DYM: variants seen among roughly 807,000 people sequenced by gnomAD.
DYM encodes the protein dymeclin.
In DYM, 78 loss-of-function variants were observed where a neutral mutation model predicts 93.1. That is an observed-to-expected ratio of 0.84 (90% CI 0.70 to 1.01). DYM has a LOEUF of 1.01. Ranked by LOEUF, DYM falls within the 50% of genes least tolerant of loss-of-function variation. DYM has a pLI of 0.00. For synonymous variants in DYM, 321 were observed against 319.7 expected (o/e 1.00, Z -0.04); for missense variants, 789 against 845.0 (o/e 0.93, Z 0.82).
intron 17 of DYM, among the ~76,000 whole-genome samples, chr18:49,096,263 G>A (rs1055315969): frequency 5.3e-5 from 8 of 152,148 alleles, no homozygotes; most frequent in East Asian, 1.9e-4. Context: ...GCACAGTACC[G>A]TGTGAATCTC....
At chr18:49,100,748 A>G (rs2080050165) in intron 16 of DYM, among the ~76,000 whole-genome samples, 1 of 152,200 alleles carries the variant, frequency 6.6e-6, no homozygotes, top group South Asian at 2.1e-4. Context: ...TCTCATGACA[A>G]TCCCATGAGG....
chr18:49,098,109 C>T (rs1051297265), intron 16 of DYM, among the ~76,000 whole-genome samples: 1 of 152,138 alleles, frequency 6.6e-6, no homozygotes, highest in Admixed American at 6.5e-5. Context: ...TCTGGAAATA[C>T]ACGGTCCCTA....
intron 14 of DYM, among the ~76,000 whole-genome samples, chr18:49,168,604 T>C (rs1325692879): frequency 6.6e-6 from 1 of 152,162 alleles, no homozygotes; most frequent in Non-Finnish European, 1.5e-5. Context: ...TCAAAAGCCC[T>C]GGACTTTTAT....
intron 17 of DYM, among the ~76,000 whole-genome samples, chr18:49,083,412 A>G (rs1248148414): frequency 6.6e-6 from 1 of 152,080 alleles, no homozygotes; most frequent in African/African-American, 2.4e-5. Context: ...GTTTGCTAAT[A>G]TTTTGTAAAG....
chr18:49,447,726 C>T (rs75718008), intron 1 of DYM, among the ~76,000 whole-genome samples: 13,900 of 152,230 alleles, frequency 0.091, 859 homozygotes, highest in East Asian at 0.31. Context: ...ATCTCCTCCT[C>T]TCCTGTTCGC....
intron 5 of DYM, among the ~76,000 whole-genome samples, chr18:49,374,522 G>A (rs578061930): frequency 1.3e-5 from 2 of 152,356 alleles, no homozygotes; most frequent in South Asian, 4.1e-4. Context: ...CAAATGTGGA[G>A]TCAAAGGGAC....
intron 13 of DYM, among the ~76,000 whole-genome samples, chr18:49,225,654 T>C (rs896595184): frequency 1.2e-4 from 19 of 152,136 alleles, no homozygotes; most frequent in African/African-American, 4.1e-4. Context: ...CCTACATCTG[T>C]AGTAAAATAC....
At chr18:49,136,968 C>T (rs541013012) in intron 15 of DYM, among the ~76,000 whole-genome samples, 3 of 152,228 alleles carry the variant, frequency 2.0e-5, no homozygotes, top group South Asian at 4.2e-4. Context: ...AACAAGAAAA[C>T]ATTGAGTACT....
chr18:49,240,677 C>T (rs1433106901), intron 13 of DYM, among the ~76,000 whole-genome samples: 1 of 152,128 alleles, frequency 6.6e-6, no homozygotes, highest in Admixed American at 6.5e-5. Context: ...TGGCAGTTTC[C>T]TCTCTGCCAA....
chr18:49,216,326 C>T (rs1429788504), intron 13 of DYM, among the ~76,000 whole-genome samples: 1 of 152,206 alleles, frequency 6.6e-6, no homozygotes, highest in Admixed American at 6.5e-5. Context: ...GGGGGCAAGG[C>T]ACAGACAAAC....
intron 11 of DYM, among the ~76,000 whole-genome samples, chr18:49,270,775 T>C (rs2094676817): frequency 6.6e-6 from 1 of 152,182 alleles, no homozygotes; most frequent in South Asian, 2.1e-4. Context: ...GTTGAAATTA[T>C]GGTCATACTA....
intron 16 of DYM, among the ~76,000 whole-genome samples, chr18:49,103,810 T>C (rs549665742): frequency 2.2e-4 from 33 of 152,204 alleles, no homozygotes; most frequent in Non-Finnish European, 4.1e-4. Context: ...TTTTGGTTAC[T>C]GTAGCCTTGT....
At chr18:49,379,034 T>C (rs945509543) in intron 4 of DYM, among the ~76,000 whole-genome samples, 4 of 152,162 alleles carry the variant, frequency 2.6e-5, no homozygotes, top group African/African-American at 7.2e-5. Context: ...ATTTAAAAAA[T>C]TGTGGTAACA....
At chr18:49,052,983 G>A (rs1320101490) in intron 17 of DYM, among the ~76,000 whole-genome samples, 1 of 152,242 alleles carries the variant, frequency 6.6e-6, no homozygotes, top group African/African-American at 2.4e-5. Context: ...CTTGTCCTGT[G>A]ACACAGCTCA....
intron 16 of DYM, among the ~76,000 whole-genome samples, chr18:49,097,823 C>T (rs947006093): frequency 6.6e-6 from 1 of 150,520 alleles, no homozygotes; most frequent in Admixed American, 6.6e-5. Context: ...AACAGAAAGT[C>T]GGGAGAGAAA....
intron 10 of DYM, 88 bp from the exon 11 acceptor site, chr18:49,272,391 T>C: frequency 1.1e-6 from 1 of 913,844 alleles, no homozygotes; most frequent in Non-Finnish European, 1.7e-6. Context: ...TTTGTGCTCT[T>C]TGCTTTAATA....
intron 13 of DYM, among the ~76,000 whole-genome samples, chr18:49,236,448 C>G (rs1460036830): frequency 7.3e-5 from 11 of 151,034 alleles, no homozygotes; most frequent in African/African-American, 4.9e-5. Context: ...CCAATGCACT[C>G]CAGCCTGGGC....
At chr18:49,330,375 A>G (rs1332411441) in intron 8 of DYM, among the ~76,000 whole-genome samples, 1 of 152,204 alleles carries the variant, frequency 6.6e-6, no homozygotes, top group African/African-American at 2.4e-5. Flanking sequence ...AATTAGATAG[A>G]CAAGGAAACT....
chr18:49,183,744 T>C (rs1356263378), intron 14 of DYM, among the ~76,000 whole-genome samples: 2 of 152,188 alleles, frequency 1.3e-5, no homozygotes, highest in African/African-American at 4.8e-5. Context: ...AGGGACTGAA[T>C]GTATGTGTCT....
Sources: allele counts gnomAD v4.1 joint callset (sites outside exome capture counted in the v4.1 genomes callset), GRCh38; gene constraint gnomAD v4.1.1; transcripts MANE v1.5; gene names NCBI Gene and HGNC (gene_info 2026-07-23, HGNC 2026-07-21).